MYT1L: variants seen among roughly 807,000 people sequenced by gnomAD.
The protein encoded by MYT1L is myelin transcription factor 1-like protein.
A neutral mutation model predicts 126.7 loss-of-function variants in MYT1L; 12 were observed. The ratio of observed to expected loss-of-function variants is 0.09; its 90% confidence interval spans 0.06 to 0.15. The LOEUF (loss-of-function observed/expected upper bound fraction) is 0.15. Ranked by LOEUF, MYT1L falls within the 10% of genes least tolerant of loss-of-function variation. The probability of loss-of-function intolerance (pLI) is 1.00; values close to 1 mark genes in which losing one functional copy is unlikely to be tolerated. For synonymous variants in MYT1L, 541 were observed against 604.2 expected (o/e 0.90, Z 1.53); for missense variants, 979 against 1,585.2 (o/e 0.62, Z 6.49).
At chr2:1,869,947 C>G (rs546012243) in intron 18 of MYT1L, among the ~76,000 whole-genome samples, 1 of 152,216 alleles carries the variant, frequency 6.6e-6, no homozygotes, top group Non-Finnish European at 1.5e-5. Context: ...TAAATTCAAA[C>G]GACATTAAAA....
intron 3 of MYT1L, among the ~76,000 whole-genome samples, chr2:2,077,264 G>C (rs1030392139): frequency 3.3e-5 from 5 of 152,060 alleles, no homozygotes; most frequent in Non-Finnish European, 5.9e-5. Flanking sequence ...AGAAGAAAAG[G>C]GGGGACAAAA....
At position 2,017,726 on chromosome 2, in the gene MYT1L, CTCCATCCA is replaced by C. The variant is rs146462005; in HGVS notation, c.-157-20387_-157-20380del. ...TATCTATCTATCTAACCATCCATCC[CTCCATCCA>C]TCCATCCATCCATCCATCCATCTTA... On this transcript the variant is annotated intron_variant, in intron 4 of 24. Coordinates refer to ENST00000647738, the MANE Select transcript of MYT1L (RefSeq NM_001303052.2). Among the ~76,000 whole-genome samples the C allele has an allele frequency of 5.0e-3, 763 of 151,964 alleles. 3 individuals carry two copies. The highest frequency in any genetic ancestry group is 7.7e-3 in the Non-Finnish European group (526 of 67,974).
At chr2:2,031,567 AGGGCCTT>A in intron 4 of MYT1L, among the ~76,000 whole-genome samples, 1 of 146,404 alleles carries the variant, frequency 6.8e-6, no homozygotes, top group African/African-American at 2.6e-5. Context: ...TTCTAGAAGG[AGGGCCTT>A]ACACACACCC....
At chr2:1,797,536 GA>G (rs1202251828) in intron 23 of MYT1L, among the ~76,000 whole-genome samples, 2 of 152,166 alleles carry the variant, frequency 1.3e-5, no homozygotes, top group Non-Finnish European at 1.5e-5. Context: ...CCGGACTTCT[GA>G]TTGCGTTTGT....
chr2:2,242,079 GGAGGAAAAACAGA>G (rs1041166981), intron 2 of MYT1L, among the ~76,000 whole-genome samples: 4 of 152,080 alleles, frequency 2.6e-5, no homozygotes, highest in Non-Finnish European at 5.9e-5. Context: ...CAGGCAGGAA[GGAGGAAAAACAGA>G]GAGGAAAAGG....
chr2:1,836,523 C>T (rs1309747883), intron 21 of MYT1L, among the ~76,000 whole-genome samples: 1 of 149,564 alleles, frequency 6.7e-6, no homozygotes, highest in Non-Finnish European at 1.5e-5. Flanking sequence ...AATATTCCAT[C>T]AGCCTGCGCT....
chr2:2,170,904 C>T (rs13397677), intron 3 of MYT1L, among the ~76,000 whole-genome samples: 1 of 152,160 alleles, frequency 6.6e-6, no homozygotes, highest in Non-Finnish European at 1.5e-5. Context: ...CTGATGAGGA[C>T]TGAATGAAGA....
intron 3 of MYT1L, among the ~76,000 whole-genome samples, chr2:2,062,694 G>C (rs1035463446): frequency 3.3e-5 from 5 of 152,182 alleles, no homozygotes; most frequent in Admixed American, 1.3e-4. Context: ...ATATTTGTCT[G>C]AGCAAAACAG....
intron 8 of MYT1L, among the ~76,000 whole-genome samples, chr2:1,955,208 C>G (rs1217911777): frequency 7.0e-6 from 1 of 143,284 alleles, no homozygotes; most frequent in Non-Finnish European, 1.5e-5. Flanking sequence ...TAAGAAAATG[C>G]AGAAAAAAAA....
chr2:2,219,109 C>T (rs2093777568), intron 2 of MYT1L, among the ~76,000 whole-genome samples: 1 of 152,172 alleles, frequency 6.6e-6, no homozygotes, highest in Admixed American at 6.5e-5. Flanking sequence ...CGTCACATTG[C>T]TAAGAGTGGC....
In MYT1L at chr2:2,210,642, A is replaced by G. The variant is rs183642899; in HGVS notation, c.-420-37654T>C. On this transcript the variant is annotated intron_variant, in intron 2 of 24. Coordinates refer to ENST00000647738, the MANE Select transcript of MYT1L (RefSeq NM_001303052.2). Reference sequence around the variant, plus strand: ...TTGATTCTGTATAGTTCTGTAGTATACTCTGAAGTCAGGTAATGTGATTCC... The same window carrying G: ...TTGATTCTGTATAGTTCTGTAGTATGCTCTGAAGTCAGGTAATGTGATTCC... Among the ~76,000 whole-genome samples, 469 of 152,132 alleles carry G rather than the reference A, an allele frequency of 3.1e-3. 7 individuals are homozygous for G. The highest frequency in any genetic ancestry group is 5.6e-3 in the African/African-American group (231 of 41,504).
intron 3 of MYT1L, among the ~76,000 whole-genome samples, chr2:2,171,268 T>C (rs1308172080): frequency 1.3e-5 from 2 of 152,172 alleles, no homozygotes; most frequent in African/African-American, 2.4e-5. Flanking sequence ...AGTATAAACA[T>C]GGATGTTGCT....
intron 8 of MYT1L, among the ~76,000 whole-genome samples, chr2:1,966,250 A>AG (rs1286347593): frequency 6.6e-6 from 1 of 152,254 alleles, no homozygotes; most frequent in Non-Finnish European, 1.5e-5. Flanking sequence ...AGGAAGAAAC[A>AG]GGCATCGCTT....
At chr2:1,924,335 G>C (rs1472408769) in intron 9 of MYT1L, among the ~76,000 whole-genome samples, 2 of 151,948 alleles carry the variant, frequency 1.3e-5, no homozygotes, top group Non-Finnish European at 2.9e-5. Flanking sequence ...ATAATAAAAG[G>C]GTTCCTAAAT....
chr2:1,983,040 T>C (rs1050279293), intron 5 of MYT1L, among the ~76,000 whole-genome samples: 2 of 152,094 alleles, frequency 1.3e-5, no homozygotes, highest in Non-Finnish European at 2.9e-5. Context: ...GGCAAACTTA[T>C]TTTTTTTCCA....
At chr2:1,818,742 A>C (rs762131656) in intron 21 of MYT1L, among the ~76,000 whole-genome samples, 3 of 152,062 alleles carry the variant, frequency 2.0e-5, no homozygotes, top group Non-Finnish European at 4.4e-5. Context: ...TCTGCCTCTG[A>C]CTGTGTATCA....
At chr2:2,280,232 G>T (rs867261285) in intron 2 of MYT1L, among the ~76,000 whole-genome samples, 49 of 152,252 alleles carry the variant, frequency 3.2e-4, no homozygotes, top group Middle Eastern at 3.4e-3. Context: ...TGTCAAATTA[G>T]GTCATTTTAA....
At chr2:1,880,059 T>C (rs1456861842) in intron 18 of MYT1L, among the ~76,000 whole-genome samples, 2 of 152,226 alleles carry the variant, frequency 1.3e-5, no homozygotes, top group Admixed American at 1.3e-4. Context: ...AGTGAACAGT[T>C]AGGAATTTAC....
intron 3 of MYT1L, among the ~76,000 whole-genome samples, chr2:2,163,923 T>C (rs2088521484): frequency 6.6e-6 from 1 of 152,144 alleles, no homozygotes; most frequent in South Asian, 2.1e-4. Flanking sequence ...TTGCTTCTCT[T>C]TTTCATTGAG....
Sources: gnomAD v4.1 joint callset for allele counts (sites outside exome capture counted in the v4.1 genomes callset) on GRCh38, gnomAD v4.1.1 for gene constraint, MANE v1.5 for transcripts, NCBI Gene and HGNC (gene_info 2026-07-23, HGNC 2026-07-21) for gene names.